Variants in TCERG1L observed in about 807,000 individuals in gnomAD.
The protein encoded by TCERG1L is transcription elongation regulator 1-like protein.
Under a neutral mutation model 56.3 loss-of-function variants are expected in TCERG1L, and 37 were observed. The observed-to-expected ratio is 0.66, with a 90% CI of 0.51 to 0.87. The LOEUF (loss-of-function observed/expected upper bound fraction) is 0.87. TCERG1L is among the 40% of genes least tolerant of loss of function. The pLI is 0.00. For synonymous variants in TCERG1L, 324 were observed against 326.3 expected, an observed-to-expected ratio of 0.99 and a Z score of 0.08; for missense variants, 799 against 774.2, an observed-to-expected ratio of 1.03 and a Z score of -0.38.
chr10:131,253,616 T>C (rs2133535294), intron 4 of TCERG1L, among the ~76,000 whole-genome samples: 1 of 152,274 alleles, frequency 6.6e-6, no homozygotes, highest in Middle Eastern at 3.4e-3. Flanking sequence ...ACTGTGTTTG[T>C]CTGTTTGTTA....
intron 4 of TCERG1L, among the ~76,000 whole-genome samples, chr10:131,180,263 A>C (rs919436889): frequency 1.3e-5 from 2 of 152,248 alleles, no homozygotes; most frequent in Non-Finnish European, 2.9e-5. Flanking sequence ...GGCCTGGCTC[A>C]CAGGCAGGGG....
At chr10:131,182,542 G>A (rs1256262324) in intron 4 of TCERG1L, among the ~76,000 whole-genome samples, 1 of 152,246 alleles carries the variant, frequency 6.6e-6, no homozygotes, top group Non-Finnish European at 1.5e-5. Flanking sequence ...TTGCACAAAA[G>A]TGAACTCATG....
At chr10:131,270,575 G>C (rs150040197) in intron 3 of TCERG1L, among the ~76,000 whole-genome samples, 81 of 152,346 alleles carry the variant, frequency 5.3e-4, no homozygotes, top group Non-Finnish European at 1.0e-3. Flanking sequence ...AGAGGGTGCG[G>C]AGCCAACATC....
chr10:131,243,489 G>A (rs919081450), intron 4 of TCERG1L, among the ~76,000 whole-genome samples: 7 of 152,124 alleles, frequency 4.6e-5, no homozygotes, highest in South Asian at 2.1e-4. Context: ...GCTTGAACCC[G>A]GGAGGCAGAG....
intron 4 of TCERG1L, among the ~76,000 whole-genome samples, chr10:131,222,262 CCA>C (rs1845741979): frequency 6.6e-6 from 1 of 152,234 alleles, no homozygotes; most frequent in African/African-American, 2.4e-5. Flanking sequence ...CCTGAGTGCC[CCA>C]CATCTGACAG....
At chr10:131,227,653 T>C (rs2133505166) in intron 4 of TCERG1L, among the ~76,000 whole-genome samples, 1 of 152,194 alleles carries the variant, frequency 6.6e-6, no homozygotes, top group South Asian at 2.1e-4. Context: ...CACCTCCAGG[T>C]GAGCCGAGGG....
chr10:131,310,365 G>C (rs909947679), intron 1 of TCERG1L, among the ~76,000 whole-genome samples: 2 of 152,158 alleles, frequency 1.3e-5, no homozygotes, highest in Admixed American at 6.5e-5. Flanking sequence ...CATATGTGAT[G>C]TATCATTAAG....
At position 131,093,249 on chromosome 10, in the gene TCERG1L, C is replaced by G. The variant is rs747557463; in HGVS notation, c.1674G>C (p.Lys558Asn). ...DQRFRLVQKR[K>N]DQEHFFNQFI... ...ATTGGTTGAAAAAATGCTCCTGGTCCTTTCTTTTTTGAACAAGTCGGAACC... is the reference window on the plus strand; with the variant it reads ...ATTGGTTGAAAAAATGCTCCTGGTCGTTTCTTTTTTGAACAAGTCGGAACC... Residue 558 changes from lysine to asparagine, a missense_variant, in exon 12 of 12, where the codon AAG (lysine) becomes AAC (asparagine). Coordinates refer to ENST00000368642, the MANE Select transcript of TCERG1L (RefSeq NM_174937.4). 6.2e-7 allele frequency: 1 copy of G among 1,614,006 alleles called. No individual in the cohort carries two copies. The highest frequency in any genetic ancestry group is 1.1e-5 in the South Asian group (1 of 91,082).
intron 4 of TCERG1L, among the ~76,000 whole-genome samples, chr10:131,198,855 C>G (rs1048308032): frequency 4.0e-4 from 61 of 152,338 alleles, no homozygotes; most frequent in Non-Finnish European, 6.8e-4. Flanking sequence ...CTGCTCAGCT[C>G]ATGCACCCCG....
At chr10:131,205,197 TC>T (rs937935816) in intron 4 of TCERG1L, among the ~76,000 whole-genome samples, 10 of 152,134 alleles carry the variant, frequency 6.6e-5, no homozygotes, top group African/African-American at 2.4e-4. Context: ...TCGCAATTCA[TC>T]CTTTTATCCC....
chr10:131,126,071 T>G (rs1393620134), intron 8 of TCERG1L, among the ~76,000 whole-genome samples: 1 of 152,196 alleles, frequency 6.6e-6, no homozygotes, highest in Non-Finnish European at 1.5e-5. Context: ...TGTTGGCCTT[T>G]CCGGCTTGGT....
At chr10:131,096,634 C>T (rs1382151321) in intron 11 of TCERG1L, among the ~76,000 whole-genome samples, 2 of 152,196 alleles carry the variant, frequency 1.3e-5, no homozygotes, top group African/African-American at 4.8e-5. Context: ...GGCGCGGTGG[C>T]TCATGCCTGT....
chr10:131,178,791 G>A (rs2133450108), intron 4 of TCERG1L, among the ~76,000 whole-genome samples: 1 of 152,284 alleles, frequency 6.6e-6, no homozygotes, highest in East Asian at 1.9e-4. Context: ...TGAAGATCTG[G>A]CTCTCCGCAC....
chr10:131,164,086 C>T (rs1488684919), intron 5 of TCERG1L: 2 of 146,736 alleles, frequency 1.4e-5, no homozygotes, highest in East Asian at 4.0e-4. Context: ...GAGATTACAC[C>T]ACTGCACTCC....
At chr10:131,266,422 A>G (rs1200701157) in intron 3 of TCERG1L, among the ~76,000 whole-genome samples, 1 of 152,216 alleles carries the variant, frequency 6.6e-6, no homozygotes, top group African/African-American at 2.4e-5. Context: ...AAAACAATTC[A>G]TCTCATCCCC....
At chr10:131,114,616 T>A (rs1261840630) in intron 9 of TCERG1L, among the ~76,000 whole-genome samples, 1 of 151,712 alleles carries the variant, frequency 6.6e-6, no homozygotes, top group Non-Finnish European at 1.5e-5. Context: ...GCCCTGAAAA[T>A]CTCATTAGTA....
chr10:131,293,134 A>C (rs2133575509), intron 3 of TCERG1L, among the ~76,000 whole-genome samples: 1 of 152,332 alleles, frequency 6.6e-6, no homozygotes, highest in African/African-American at 2.4e-5. Context: ...TAAAGGCATG[A>C]GCCACTATGC....
chr10:131,145,293 T>C (rs1358711304), intron 7 of TCERG1L, among the ~76,000 whole-genome samples: 1 of 152,200 alleles, frequency 6.6e-6, no homozygotes, highest in Non-Finnish European at 1.5e-5. Context: ...TTTAAAGCAC[T>C]CTTTCAAGAC....
At chr10:131,245,428 C>G (rs1046887073) in intron 4 of TCERG1L, among the ~76,000 whole-genome samples, 42 of 150,722 alleles carry the variant, frequency 2.8e-4, no homozygotes, top group African/African-American at 9.7e-4. Flanking sequence ...TTTAAAAAAA[C>G]TGAGAAGTTG....
Sources: gnomAD v4.1 joint callset for allele counts (sites outside exome capture counted in the v4.1 genomes callset) on GRCh38, gnomAD v4.1.1 for gene constraint, MANE v1.5 for transcripts, NCBI Gene and HGNC (gene_info 2026-07-23, HGNC 2026-07-21) for gene names.